PCDHGA8: variants seen among roughly 807,000 people sequenced by gnomAD.
PCDHGA8 encodes the protein protocadherin gamma-A8.
In PCDHGA8, 45 loss-of-function variants were observed where a neutral mutation model predicts 59.2. The ratio of observed to expected loss-of-function variants is 0.76; its 90% CI spans 0.60 to 0.98. PCDHGA8 has a LOEUF of 0.98. Among genes scored for constraint, PCDHGA8 ranks in the 50% least tolerant of loss-of-function variants. PCDHGA8 has a pLI of 0.00. For missense variants in PCDHGA8, 1,257 were observed against 1,196.2 expected (o/e 1.05, Z -0.75); for synonymous variants, 531 against 519.0 (o/e 1.02, Z -0.32).
Position 141,481,023 on chromosome 5 carries a change from A to G in PCDHGA8, c.2425-13784A>G, listed in dbSNP as rs546827260. On this transcript the variant is annotated intron_variant, in intron 1 of 3. Transcript: ENST00000398604. ...CAGTGAGCCCAGATCACACCACTGC[A>G]CTCCAGCCTGGGCGACAGAGCGAGA... Among the ~76,000 whole-genome samples the G allele has an allele frequency of 9.0e-4, 137 of 152,218 alleles. 1 individual carries two copies. The highest frequency in any genetic ancestry group is 3.2e-3 in the African/African-American group (132 of 41,516).
At chr5:141,400,097 A>C (rs753507768) in intron 1 of PCDHGA8, 1 of 1,614,048 alleles carries the variant, frequency 6.2e-7, no homozygotes, top group South Asian at 1.1e-5. Context: ...GCCACGCTGC[A>C]CTTGGTCTTT....
chr5:141,485,033 T>C lies in PCDHGA8; in HGVS notation c.2425-9774T>C. 1 of 689,352 alleles carries C rather than the reference T, an allele frequency of 1.5e-6. No homozygotes were observed. The highest frequency in any genetic ancestry group is 2.5e-6 in the Non-Finnish European group (1 of 392,590). The allele number at this position is 689,352 out of a possible 1,614,324, so 42.7% of individuals were successfully genotyped here. On this transcript the variant is annotated intron_variant, in intron 1 of 3. Coordinates refer to ENST00000398604, the MANE Select transcript of PCDHGA8 (RefSeq NM_032088.2). This position sits in a 1 kb window ranked among gnomAD's most constrained non-coding sequence, Gnocchi z 5.7. ...CCCCGCCACCAGCAAAAACGGCGCG[T>C]AACCCTTGCGGCGCCGGCCGAACCG...
At position 141,476,015 on chromosome 5, in the gene PCDHGA8, C is replaced by A; in HGVS notation, c.2425-18792C>A. The A allele has an allele frequency of 7.4e-7, 1 of 1,344,728 alleles. No individual in the cohort carries two copies. The highest frequency in any genetic ancestry group is 1.0e-6 in the Non-Finnish European group (1 of 992,700). The allele number at this position is 1,344,728 out of a possible 1,614,324, so 83.3% of individuals were successfully genotyped here. A position where few individuals can be genotyped will look rare whatever the true frequency, so the allele number is the denominator to read the frequency against. ...ATCAACGGCATCCAGAAAGCCATGT[C>A]GGACTCGGCGCCCAGCGCCCAAGCG... On this transcript the variant is annotated intron_variant, in intron 1 of 3. Coordinates refer to ENST00000398604, the MANE Select transcript of PCDHGA8 (RefSeq NM_032088.2). This position sits in a 1 kb window ranked among gnomAD's most constrained non-coding sequence, Gnocchi z 7.6.
In PCDHGA8 at chr5:141,394,565, T is replaced by C. The variant is rs199836246; in HGVS notation, c.1752T>C (p.Arg584=). The part of the protein sequence containing the change: ...GVELAPRSAE[R]GYLVTKVVAV... ...AGCTGGCGCCCCGCTCCGCAGAGCG[T>C]GGCTACCTGGTGACCAAGGTGGTGG... The change falls in exon 1 of 4, where the codon CGT becomes CGC. Residue 584 remains arginine (R), a synonymous_variant. Transcript: ENST00000398604. The C allele has an allele frequency of 4.7e-3, 7,555 of 1,612,722 alleles. 48 individuals carry two copies. The highest frequency in any genetic ancestry group is 9.5e-3 in the Admixed American group (567 of 59,986).
Position 141,486,388 on chromosome 5 carries a change from C to T in PCDHGA8, c.2425-8419C>T, listed in dbSNP as rs2099628930. ...TCAAGTCTGCCTTCAGGAACCAGTT[C>T]TCCCTGGTGACTGCTGGACCCTTGG... On this transcript the variant is annotated intron_variant, in intron 1 of 3. Coordinates refer to ENST00000398604, the MANE Select transcript of PCDHGA8 (RefSeq NM_032088.2). This position sits in a 1 kb window ranked among gnomAD's most constrained non-coding sequence, Gnocchi z 5.0. 2 of 1,613,988 alleles carry T rather than the reference C, an allele frequency of 1.2e-6. No individual in the cohort carries two copies. The highest frequency in any genetic ancestry group is 2.7e-5 in the African/African-American group (2 of 74,924).
intron 1 of PCDHGA8, chr5:141,398,946 C>A: frequency 6.2e-7 from 1 of 1,613,948 alleles, no homozygotes; most frequent in Non-Finnish European, 8.5e-7. Flanking sequence ...ACGAGGGCAT[C>A]AACTCAGAAA....
chr5:141,414,992 C>T, intron 1 of PCDHGA8: 2 of 1,613,770 alleles, frequency 1.2e-6, no homozygotes, highest in Non-Finnish European at 1.7e-6. Flanking sequence ...GGCCAGAACG[C>T]CTGGCTGTCC....
At chr5:141,421,303 G>C in intron 1 of PCDHGA8, 1 of 1,613,660 alleles carries the variant, frequency 6.2e-7, no homozygotes, top group Non-Finnish European at 8.5e-7. Context: ...GACGCTGCGG[G>C]GGTTCCGGGC....
At chr5:141,405,246 A>G (rs1163477660) in intron 1 of PCDHGA8, 10 of 1,614,126 alleles carry the variant, frequency 6.2e-6, no homozygotes, top group Non-Finnish European at 8.5e-6. Flanking sequence ...GACTCAAGGA[A>G]GAGTCACCTG....
At chr5:141,395,926 A>G (rs2093327122) in intron 1 of PCDHGA8, 1 of 152,218 alleles carries the variant, frequency 6.6e-6, no homozygotes, top group South Asian at 2.1e-4. Flanking sequence ...TCTAAAGCCT[A>G]GAATGTCCAT....
rs1471863168 is a variant in PCDHGA8, at chr5:141,476,550, G to A, written c.2425-18257G>A. ...ACCCAGGAAATGAAATTGGAGATTA[G>A]CGAGGCCGTGGCTCCGGGGACGCGC... On this transcript the variant is annotated intron_variant, in intron 1 of 3. Transcript: ENST00000398604. The surrounding 1 kb of genome is among the most constrained non-coding windows in gnomAD (Gnocchi z 7.6). 1.2e-6 allele frequency: 2 copies of A among 1,614,110 alleles called. No individual in the cohort carries two copies. The highest frequency in any genetic ancestry group is 4.5e-5 in the East Asian group (2 of 44,884).
intron 1 of PCDHGA8, among the ~76,000 whole-genome samples, chr5:141,467,475 T>C (rs2099144764): frequency 6.6e-6 from 1 of 152,248 alleles, no homozygotes; most frequent in Non-Finnish European, 1.5e-5. Flanking sequence ...GCATGGTTTT[T>C]GGTTTCCACA....
chr5:141,478,272 A>T, intron 1 of PCDHGA8: 7 of 1,614,160 alleles, frequency 4.3e-6, no homozygotes, highest in Non-Finnish European at 5.9e-6. Context: ...AAAGTTTACA[A>T]GTGGAAGCAG....
intron 3 of PCDHGA8, among the ~76,000 whole-genome samples, chr5:141,507,790 A>C (rs922507228): frequency 5.9e-5 from 9 of 152,188 alleles, no homozygotes; most frequent in Admixed American, 2.6e-4. Context: ...ACCCTCGTCT[A>C]AGCCTGCGCC....
At chr5:141,449,022 A>G (rs2154562454) in intron 1 of PCDHGA8, among the ~76,000 whole-genome samples, 1 of 152,312 alleles carries the variant, frequency 6.6e-6, no homozygotes, top group Admixed American at 6.5e-5. Context: ...GTTGCTTAGC[A>G]TTCCTTTGGA....
intron 1 of PCDHGA8, chr5:141,404,997 C>T: frequency 6.2e-7 from 1 of 1,614,034 alleles, no homozygotes; most frequent in East Asian, 2.2e-5. Flanking sequence ...CAGATCCCTG[C>T]AGACCTGGAG....
At chr5:141,440,501 A>G (rs2098183001) in intron 1 of PCDHGA8, 1 of 152,174 alleles carries the variant, frequency 6.6e-6, no homozygotes, top group African/African-American at 2.4e-5. Context: ...TCACATTAAT[A>G]TGGAGATTCA....
At position 141,473,628 on chromosome 5, in the gene PCDHGA8, A is replaced by T. The variant is rs533175704; in HGVS notation, c.2425-21179A>T. The stretch of plus-strand genomic sequence containing the variant: ...AAAGCAAAGGGAGGGAGGAAAAAGC[A>T]GCTTTCCTGGCAAAGGAACAATTTG... On this transcript the variant is annotated intron_variant, in intron 1 of 3. Transcript: ENST00000398604. 4.6e-5 allele frequency among the ~76,000 whole-genome samples: 7 copies of T among 152,334 alleles called. No individual in the cohort carries two copies. In the South Asian group the frequency reaches 1.4e-3, roughly 32 times the overall value.
intron 1 of PCDHGA8, among the ~76,000 whole-genome samples, chr5:141,449,594 A>T (rs2098647409): frequency 6.6e-6 from 1 of 150,814 alleles, no homozygotes; most frequent in Non-Finnish European, 1.5e-5. Context: ...GTCTCAAAAA[A>T]AAAAAAAAAA....
Sources: allele counts gnomAD v4.1 joint callset (sites outside exome capture counted in the v4.1 genomes callset), GRCh38; gene constraint gnomAD v4.1.1; non-coding constraint Gnocchi (gnomAD v3.1); transcripts MANE v1.5; gene names NCBI Gene and HGNC (gene_info 2026-07-23, HGNC 2026-07-21).